FUT8: variants seen among roughly 807,000 people sequenced by gnomAD.
The protein encoded by FUT8 is alpha-(1,6)-fucosyltransferase.
A neutral mutation model predicts 71.3 loss-of-function variants in FUT8; 29 were observed. The observed-to-expected ratio is 0.41, with a 90% CI of 0.30 to 0.55. The LOEUF is 0.55. Among genes scored for constraint, FUT8 ranks in the 20% least tolerant of loss-of-function variants. The pLI, the probability that FUT8 is intolerant of heterozygous loss-of-function variation, is 0.34. For synonymous variants in FUT8, 254 were observed against 239.3 expected (o/e 1.06, Z -0.57); for missense variants, 544 against 702.1 (o/e 0.77, Z 2.55).
chr14:65,608,137 T>G (rs2140190556), intron 3 of FUT8, among the ~76,000 whole-genome samples: 1 of 151,998 alleles, frequency 6.6e-6, no homozygotes, highest in South Asian at 2.1e-4. Context: ...CTGAAAATTT[T>G]TATATATTAT....
At chr14:65,379,540 A>G in the FUT8 span, among the ~76,000 whole-genome samples, 1 of 151,694 alleles carries the variant, frequency 6.6e-6, no homozygotes, top group East Asian at 1.9e-4. Flanking sequence ...AAAACAAAAA[A>G]CAAAAAAAAA....
chr14:65,428,364 C>T (rs751686426), intron 1 of FUT8, among the ~76,000 whole-genome samples: 4 of 152,118 alleles, frequency 2.6e-5, no homozygotes, highest in African/African-American at 9.7e-5. Context: ...GAGGTACCTA[C>T]GTCATGAGCG....
chr14:65,577,016 T>A (rs1024153975), intron 3 of FUT8, among the ~76,000 whole-genome samples: 3 of 151,896 alleles, frequency 2.0e-5, no homozygotes, highest in African/African-American at 7.3e-5. Context: ...GCCCAGCTAA[T>A]TAAATTTTTT....
At chr14:65,626,101 T>TA (rs1426679309) in intron 5 of FUT8, among the ~76,000 whole-genome samples, 1 of 152,120 alleles carries the variant, frequency 6.6e-6, no homozygotes, top group Non-Finnish European at 1.5e-5. Context: ...TGATTATCAA[T>TA]ACCACGTGTT....
intron 2 of FUT8, among the ~76,000 whole-genome samples, chr14:65,558,643 A>G (rs2140032675): frequency 6.6e-6 from 1 of 152,330 alleles, no homozygotes; most frequent in East Asian, 1.9e-4. Flanking sequence ...AGCATGGTTC[A>G]GACAATAAAC....
Position 65,669,486 on chromosome 14 carries a change from G to T in FUT8, c.835+6G>T, listed in dbSNP as rs1892375052. 6.3e-7 allele frequency: 1 copy of T among 1,595,244 alleles called. No individual in the cohort carries two copies. The highest frequency in any genetic ancestry group is 8.6e-7 in the Non-Finnish European group (1 of 1,163,284). ...CTCCACTGGACACTGGTCAGGTAAG[G>T]AGCTTGTGCAGCATATGAGATCTCT... On this transcript the variant is annotated splice_donor_region_variant and intron_variant, in intron 7 of 10. Transcript: ENST00000673929. The surrounding 1 kb of genome is among the most constrained non-coding windows in gnomAD (Gnocchi z 4.5).
chr14:65,476,442 C>T (rs2066240688), intron 2 of FUT8, among the ~76,000 whole-genome samples: 1 of 152,022 alleles, frequency 6.6e-6, no homozygotes, highest in South Asian at 2.1e-4. Flanking sequence ...GGATGTCAGT[C>T]TGTTAATGTG....
intron 1 of FUT8, among the ~76,000 whole-genome samples, chr14:65,434,477 C>T (rs1270111056): frequency 6.6e-6 from 1 of 152,118 alleles, no homozygotes; most frequent in African/African-American, 2.4e-5. Context: ...GTCAGTTCCC[C>T]AGAGGATAGA....
chr14:65,545,363 T>A (rs1267026886), intron 2 of FUT8, among the ~76,000 whole-genome samples: 1 of 151,964 alleles, frequency 6.6e-6, no homozygotes, highest in African/African-American at 2.4e-5. Context: ...TATATATGGC[T>A]CTTAAAATGT....
At position 65,447,308 on chromosome 14, in the gene FUT8, C is replaced by A. The variant is rs544927246; in HGVS notation, c.-325-8313C>A. ...GACTCTCTCAAAAAAAAAAAAAAAA[C>A]CCAAAAGAAAGTAAATTTTGTTTGA... is the stretch of plus-strand genomic sequence containing the variant. On this transcript the variant is annotated intron_variant, in intron 1 of 10. Transcript: ENST00000673929. Among the ~76,000 whole-genome samples, 1,103 of 147,360 alleles carry A rather than the reference C, an allele frequency of 7.5e-3. 8 individuals are homozygous for A. Among genetic ancestry groups the A allele is most frequent in the Non-Finnish European group, 0.013 (875 of 66,880 alleles).
chr14:65,656,091 T>C (rs1484794221), intron 6 of FUT8, among the ~76,000 whole-genome samples: 1 of 152,158 alleles, frequency 6.6e-6, no homozygotes, highest in African/African-American at 2.4e-5. Context: ...AACATAGTGC[T>C]GATTACTCTA....
rs1229848149 is a variant in FUT8 at position 65,660,875 on chromosome 14, A to G, written c.598-8368A>G. Among the ~76,000 whole-genome samples, 1 of 152,180 alleles carries G rather than the reference A, an allele frequency of 6.6e-6. No homozygotes were observed. Among genetic ancestry groups the G allele is most frequent in the African/African-American group, 2.4e-5 (1 of 41,446 alleles). On this transcript the variant is annotated intron_variant, in intron 6 of 10. Coordinates refer to ENST00000673929, the MANE Select transcript of FUT8 (RefSeq NM_001371533.1). The surrounding 1 kb of genome is among the most constrained non-coding windows in gnomAD (Gnocchi z 4.1). ...ATTACCTTTTCTCCTTGGTTTTGAA[A>G]ATAATGTTAGAGAAATAAAATCAGA...
intron 2 of FUT8, among the ~76,000 whole-genome samples, chr14:65,464,253 C>A (rs2066008135): frequency 1.8e-5 from 2 of 109,118 alleles, no homozygotes; most frequent in South Asian, 3.0e-4. Flanking sequence ...TTGGTCAGTA[C>A]TTTGGGTTTT....
chr14:65,561,452 T>C lies in FUT8; in HGVS notation c.-112T>C, dbSNP rs903099357. The C allele has an allele frequency of 7.7e-6, 7 of 912,380 alleles. No individual in the cohort carries two copies. Among genetic ancestry groups the C allele is most frequent in the Admixed American group, 2.1e-5 (1 of 47,810 alleles). The allele number at this position is 912,380 out of a possible 1,614,324, so 56.5% of individuals were successfully genotyped here. A position where few individuals can be genotyped will look rare whatever the true frequency, so the allele number is the denominator to read the frequency against. On this transcript the variant is annotated 5_prime_UTR_variant, in exon 3 of 11. It removes an upstream start codon present in the reference 5' UTR. Coordinates refer to ENST00000673929, the MANE Select transcript of FUT8 (RefSeq NM_001371533.1). ...AGAGAATAATTTGTCTGAAGCATCATGTGTTGAAACAACAGAAGTCTATTC... is the reference window on the plus strand; with the variant it reads ...AGAGAATAATTTGTCTGAAGCATCACGTGTTGAAACAACAGAAGTCTATTC...
chr14:65,586,383 A>G (rs959464521), intron 3 of FUT8, among the ~76,000 whole-genome samples: 1 of 152,236 alleles, frequency 6.6e-6, no homozygotes, highest in Non-Finnish European at 1.5e-5. Context: ...GTATAGATTC[A>G]ATAGGCAGGC....
rs548582604 is a variant in FUT8, at chr14:65,578,789, A to G, written c.203+17023A>G. Among the ~76,000 whole-genome samples the G allele has an allele frequency of 1.1e-4, 17 of 152,292 alleles. 1 individual carries two copies. The highest frequency in any genetic ancestry group is 4.1e-4 in the African/African-American group (17 of 41,552). ...ATATATGTATTAGAGCTAGCCTGTGAATTACAATGGCTACAAGGAAATATA... is the reference window on the plus strand; with the variant it reads ...ATATATGTATTAGAGCTAGCCTGTGGATTACAATGGCTACAAGGAAATATA... On this transcript the variant is annotated intron_variant, in intron 3 of 10. Coordinates refer to ENST00000673929, the MANE Select transcript of FUT8 (RefSeq NM_001371533.1).
intron 2 of FUT8, among the ~76,000 whole-genome samples, chr14:65,495,167 G>T (rs2066539718): frequency 7.9e-6 from 1 of 126,098 alleles, no homozygotes. Context: ...AGGAATTACT[G>T]AAGTTTGCTT....
intron 3 of FUT8, among the ~76,000 whole-genome samples, chr14:65,611,283 A>G (rs1888968790): frequency 2.2e-5 from 1 of 44,610 alleles, no homozygotes. Context: ...ACACACACAC[A>G]CACACACACA....
chr14:65,429,124 G>C (rs1566741254), intron 1 of FUT8, among the ~76,000 whole-genome samples: 1 of 152,180 alleles, frequency 6.6e-6, no homozygotes, highest in Non-Finnish European at 1.5e-5. Flanking sequence ...TATGCTAAAA[G>C]AGTAATGTTC....
Sources: gnomAD v4.1 joint callset for allele counts (sites outside exome capture counted in the v4.1 genomes callset) on GRCh38, gnomAD v4.1.1 for gene constraint, Gnocchi (gnomAD v3.1) non-coding constraint, MANE v1.5 for transcripts, NCBI Gene and HGNC (gene_info 2026-07-23, HGNC 2026-07-21) for gene names.